Variants in TUBB3 observed in about 807,000 individuals in gnomAD.
The protein encoded by TUBB3 is tubulin beta-3 chain.
Under a neutral mutation model 37.8 loss-of-function variants are expected in TUBB3, and 17 were observed. The ratio of observed to expected loss-of-function variants is 0.45; its 90% confidence interval spans 0.31 to 0.67. The LOEUF (loss-of-function observed/expected upper bound fraction) is 0.67, where lower values mean the gene tolerates loss of function less well. Ranked by LOEUF, TUBB3 falls within the 30% of genes least tolerant of loss-of-function variation. TUBB3 has a pLI of 0.07. For missense variants in TUBB3, 262 were observed against 657.9 expected (o/e 0.40, Z 6.58); for synonymous variants, 332 against 278.9 (o/e 1.19, Z -1.90).
At chr16:89,933,633 G>A (rs373166404) in intron 3 of TUBB3, 55 bp downstream of exon 3, 2 of 1,409,616 alleles carry the variant, frequency 1.4e-6, no homozygotes, top group African/African-American at 1.4e-5. Context: ...GGCAAGCCCA[G>A]GTCGGTGGAC....
intron 1 of TUBB3, among the ~76,000 whole-genome samples, chr16:89,928,023 G>A (rs1019398579): frequency 3.9e-5 from 6 of 152,160 alleles, no homozygotes; most frequent in Admixed American, 3.3e-4. Context: ...GAGGCAAGCA[G>A]TAGGTGGGAA....
chr16:89,935,201 G>A lies in TUBB3; in HGVS notation c.750G>A (p.Leu250=), dbSNP rs778434867. 4 of 1,613,656 alleles carry A rather than the reference G, an allele frequency of 2.5e-6. No homozygotes were observed. In the Admixed American group the frequency reaches 5.0e-5, roughly 20 times the overall value. ...LRFPGQLNAD[L]RKLAVNMVPF... is the part of the protein sequence containing the mutation. ...TCCCGGGCCAGCTCAACGCTGACCT[G>A]CGCAAGCTGGCCGTCAACATGGTGC... The change falls in exon 4 of 4, where the codon CTG becomes CTA. Residue 250 remains leucine (L), a synonymous_variant. Coordinates refer to ENST00000315491, the MANE Select transcript of TUBB3 (RefSeq NM_006086.4).
chr16:89,931,962 C>T, intron 1 of TUBB3: 1 of 300,938 alleles, frequency 3.3e-6, no homozygotes, highest in Middle Eastern at 5.8e-4. Flanking sequence ...CCATTTGGGA[C>T]CCCAAGGACC....
At chr16:89,926,045 G>A (rs557636924) in intron 1 of TUBB3, among the ~76,000 whole-genome samples, 1 of 151,976 alleles carries the variant, frequency 6.6e-6, no homozygotes, top group African/African-American at 2.4e-5. Context: ...AGTCACCCCG[G>A]GGGGGGCAGG....
rs751332250 is a variant in TUBB3 at position 89,923,507 on chromosome 16, G to T, written c.57+49G>T. The T allele has an allele frequency of 3.6e-6, 5 of 1,372,380 alleles. No homozygotes were observed. The East Asian group carries it at 9.9e-5, about 27-fold the overall frequency. 85.0% of individuals were successfully genotyped at this position (1,372,380 alleles called of 1,614,324 possible). A position where few individuals can be genotyped will look rare whatever the true frequency, so the allele number is the denominator to read the frequency against. On this transcript the variant is annotated intron_variant, in intron 1 of 3. Transcript: ENST00000315491. Reference sequence around the variant, plus strand: ...TCCCGGGCCCCGGGGCGGGAGGAGGGAGGCGCCGTGCCCCGCGGGCCGCAC... The same window carrying T: ...TCCCGGGCCCCGGGGCGGGAGGAGGTAGGCGCCGTGCCCCGCGGGCCGCAC...
intron 1 of TUBB3, 120 bp downstream of exon 1, chr16:89,923,578 C>A (rs1323703552): frequency 2.0e-6 from 2 of 996,918 alleles, no homozygotes; most frequent in Non-Finnish European, 2.6e-6. Context: ...AGGGATGCGC[C>A]CAGCGCCGCG....
rs746314997 is a variant in TUBB3, at chr16:89,934,710, C to T, written c.278-19C>T. On this transcript the variant is annotated intron_variant, in intron 3 of 3. Coordinates refer to ENST00000315491, the MANE Select transcript of TUBB3 (RefSeq NM_006086.4). ...AGAGTCCCTGGCCCCTGTCTCTTAC[C>T]CCTCTTCTCCCTGTACAGGTCAGAG... 1.1e-5 allele frequency: 18 copies of T among 1,612,548 alleles called. No individual in the cohort carries two copies. In the African/African-American group the frequency reaches 2.3e-4, roughly 20 times the overall value.
In TUBB3 at chr16:89,923,468, C is replaced by T. The variant is rs572926109; in HGVS notation, c.57+10C>T. 5 of 1,479,608 alleles carry T rather than the reference C, an allele frequency of 3.4e-6. No homozygotes were observed. Among genetic ancestry groups the T allele is most frequent in the African/African-American group, 1.5e-5 (1 of 68,218 alleles). 91.7% of individuals were successfully genotyped at this position (1,479,608 alleles called of 1,614,324 possible). A position where few individuals can be genotyped will look rare whatever the true frequency, so the allele number is the denominator to read the frequency against. Reference sequence around the variant, plus strand: ...CCAGATCGGGGCCAAGGTGAGGCTGCGCGCCCCGGCCTGTCCCGGGCCCCG... The same window carrying T: ...CCAGATCGGGGCCAAGGTGAGGCTGTGCGCCCCGGCCTGTCCCGGGCCCCG... On this transcript the variant is annotated intron_variant, in intron 1 of 3. Transcript: ENST00000315491.
At position 89,934,762 on chromosome 16, in the gene TUBB3, G is replaced by T; in HGVS notation, c.311G>T (p.Gly104Val). The T allele has an allele frequency of 6.2e-7, 1 of 1,614,164 alleles. No individual in the cohort carries two copies. Among genetic ancestry groups the T allele is most frequent in the Non-Finnish European group, 8.5e-7 (1 of 1,180,024 alleles). The change falls in exon 4 of 4, where the codon GGT becomes GTT. Residue 104 changes from glycine to valine, a missense_variant. Around this residue, in one of 3 missense-constraint regions of TUBB3, gnomAD observed 165 missense variants for 556.8 expected, o/e 0.30. Transcript: ENST00000315491. ...QSGAGNNWAKGHYTEGAELVD... is the reference protein window; with the variant it reads ...QSGAGNNWAKVHYTEGAELVD... The stretch of plus-strand genomic sequence containing the variant: ...GGGGCCGGCAACAACTGGGCCAAGG[G>T]TCACTACACGGAGGGGGCGGAGCTG...
intron 1 of TUBB3, among the ~76,000 whole-genome samples, chr16:89,930,462 C>T (rs528026577): frequency 3.3e-5 from 5 of 151,236 alleles, no homozygotes; most frequent in Non-Finnish European, 5.9e-5. Flanking sequence ...CTCACTCTGT[C>T]GCCCACGCTG....
At chr16:89,934,306 T>C (rs1489734938) in intron 3 of TUBB3, 2 of 474,346 alleles carry the variant, frequency 4.2e-6, no homozygotes, top group Admixed American at 4.6e-5. Flanking sequence ...GGGCCTCGCT[T>C]CACTTCTGCC....
Position 89,935,771 on chromosome 16 carries a change from C to A in TUBB3, c.1320C>A (p.Asp440Glu). The A allele has an allele frequency of 1.2e-6, 2 of 1,613,768 alleles. No individual in the cohort carries two copies. Among genetic ancestry groups the A allele is most frequent in the South Asian group, 1.1e-5 (1 of 91,084 alleles). ...AEEEGEMYED[D>E]EEESEAQGPK ...AAGAGGGCGAGATGTACGAAGACGA[C>A]GAGGAGGAGTCGGAGGCCCAGGGCC... The change falls in exon 4 of 4, where the codon GAC becomes GAA. Residue 440 changes from aspartate to glutamate, a missense_variant. This residue lies in a region of TUBB3 where 39 missense variants were observed against 26.9 expected (regional missense o/e 1.45). Coordinates refer to ENST00000315491, the MANE Select transcript of TUBB3 (RefSeq NM_006086.4).
chr16:89,924,467 G>C (rs567112776), intron 1 of TUBB3, among the ~76,000 whole-genome samples: 19 of 51,802 alleles, frequency 3.7e-4, no homozygotes, highest in East Asian at 2.9e-3. Context: ...CAGGGGATCG[G>C]GGGGGGAGGC....
intron 1 of TUBB3, among the ~76,000 whole-genome samples, chr16:89,925,105 G>C (rs1248267252): frequency 1.3e-5 from 2 of 152,164 alleles, no homozygotes; most frequent in Non-Finnish European, 2.9e-5. Context: ...GCAAGAGCTG[G>C]GATCTAGAAG....
At chr16:89,934,464 G>A (rs760208425) in intron 3 of TUBB3, 21 of 622,156 alleles carry the variant, frequency 3.4e-5, no homozygotes, top group Non-Finnish European at 4.5e-5. Flanking sequence ...ATTCACCCAG[G>A]ATCCCCTCAG....
At chr16:89,933,663 A>G in intron 3 of TUBB3, 85 bp downstream of exon 3, 1 of 1,048,926 alleles carries the variant, frequency 9.5e-7, no homozygotes, top group Non-Finnish European at 1.5e-6. Context: ...TGTGAGAAAC[A>G]AGGAATGGTC....
chr16:89,925,930 G>C (rs2030060630), intron 1 of TUBB3, among the ~76,000 whole-genome samples: 1 of 152,266 alleles, frequency 6.6e-6, no homozygotes, highest in Non-Finnish European at 1.5e-5. Context: ...TCACCCCTGC[G>C]CTGGGAGCCG....
chr16:89,931,238 A>C (rs2030268289), intron 1 of TUBB3, among the ~76,000 whole-genome samples: 1 of 152,166 alleles, frequency 6.6e-6, no homozygotes, highest in South Asian at 2.1e-4. Flanking sequence ...GATTACAGTC[A>C]TGAGCCACTG....
At chr16:89,925,901 C>G (rs183819816) in intron 1 of TUBB3, among the ~76,000 whole-genome samples, 2 of 152,310 alleles carry the variant, frequency 1.3e-5, no homozygotes, top group Non-Finnish European at 2.9e-5. Context: ...CACGCGGCAG[C>G]GCGGACGACT....
Sources: gnomAD v4.1 joint callset for allele counts (sites outside exome capture counted in the v4.1 genomes callset) on GRCh38, gnomAD v4.1.1 for gene constraint, gnomAD v4.1.1 regional missense constraint, MANE v1.5 for transcripts, NCBI Gene and HGNC (gene_info 2026-07-23, HGNC 2026-07-21) for gene names.